The following HS3ST5 variants were observed in gnomAD, a reference collection of about 807,000 sequenced individuals.
The protein encoded by HS3ST5 is heparan sulfate-glucosamine 3-sulfotransferase 5.
HS3ST5 carries 10 observed loss-of-function variants against 25.4 expected under a neutral mutation model. That is an observed-to-expected ratio of 0.39 (90% CI 0.24 to 0.67). The LOEUF (loss-of-function observed/expected upper bound fraction) is 0.67. HS3ST5 is among the 30% of genes least tolerant of loss of function. The probability of loss-of-function intolerance (pLI) is 0.44; values close to 1 mark genes in which losing one functional copy is unlikely to be tolerated. For missense variants in HS3ST5, 324 were observed against 420.7 expected (o/e 0.77, Z 2.01); for synonymous variants, 170 against 162.4 (o/e 1.05, Z -0.36).
intron 1 of HS3ST5, among the ~76,000 whole-genome samples, chr6:114,262,072 A>G (rs1445546788): frequency 6.6e-6 from 1 of 152,218 alleles, no homozygotes; most frequent in African/African-American, 2.4e-5. Flanking sequence ...AAGACAAAGC[A>G]TTGAAATTTC....
chr6:114,157,077 T>C (rs1778735234), intron 3 of HS3ST5, among the ~76,000 whole-genome samples: 1 of 152,186 alleles, frequency 6.6e-6, no homozygotes, highest in Non-Finnish European at 1.5e-5. Context: ...ATGCACTGTC[T>C]TCCACCCCTC....
chr6:114,185,517 C>T (rs1780178566), intron 2 of HS3ST5, among the ~76,000 whole-genome samples: 1 of 152,088 alleles, frequency 6.6e-6, no homozygotes, highest in Non-Finnish European at 1.5e-5. Context: ...TACAGTCATA[C>T]CTTGCTTTAT....
At chr6:114,168,091 TA>T (rs1433726063) in intron 3 of HS3ST5, among the ~76,000 whole-genome samples, 8 of 151,862 alleles carry the variant, frequency 5.3e-5, no homozygotes, top group East Asian at 1.9e-4. Flanking sequence ...AGAAAATCAA[TA>T]AAAAAAATTT....
At chr6:114,064,619 TC>T (rs1298849911) in intron 3 of HS3ST5, among the ~76,000 whole-genome samples, 4 of 152,302 alleles carry the variant, frequency 2.6e-5, no homozygotes, top group African/African-American at 9.6e-5. Flanking sequence ...TGTGCTAGAT[TC>T]TGTATTGGGT....
intron 4 of HS3ST5, among the ~76,000 whole-genome samples, chr6:114,060,808 T>G (rs772544915): frequency 2.6e-5 from 4 of 152,216 alleles, no homozygotes; most frequent in Non-Finnish European, 5.9e-5. Context: ...TCCTGCAGAA[T>G]AGTCGCTTTT....
At chr6:114,159,040 G>C (rs1215889187) in intron 3 of HS3ST5, among the ~76,000 whole-genome samples, 1 of 152,186 alleles carries the variant, frequency 6.6e-6, no homozygotes, top group Non-Finnish European at 1.5e-5. Context: ...CCATTGTAAA[G>C]AAGGGCTGAA....
rs184905189 is a variant in HS3ST5 at position 114,253,637 on chromosome 6, A to G, written c.-338-24859T>C. Among the ~76,000 whole-genome samples, 625 of 152,324 alleles carry G rather than the reference A, an allele frequency of 4.1e-3. 5 individuals are homozygous for G. The highest frequency in any genetic ancestry group is 6.3e-3 in the Admixed American group (97 of 15,306). The stretch of plus-strand genomic sequence containing the variant: ...CCTCAACTTGTACACTAGGTCTCCA[A>G]GTTCAGACATGACACTCAGCACAAT... On this transcript the variant is annotated intron_variant, in intron 1 of 4. Transcript: ENST00000312719.
intron 1 of HS3ST5, among the ~76,000 whole-genome samples, chr6:114,310,141 A>G (rs952127781): frequency 6.6e-6 from 1 of 152,214 alleles, no homozygotes; most frequent in African/African-American, 2.4e-5. Flanking sequence ...GTCCTCACAG[A>G]AGACTTAGAT....
intron 3 of HS3ST5, among the ~76,000 whole-genome samples, chr6:114,126,355 C>G (rs1393496548): frequency 6.6e-6 from 1 of 152,128 alleles, no homozygotes; most frequent in Non-Finnish European, 1.5e-5. Flanking sequence ...CCATTTGCCT[C>G]AAGGTGTCCC....
chr6:114,223,166 A>G (rs1042085917), intron 2 of HS3ST5, among the ~76,000 whole-genome samples: 2 of 151,744 alleles, frequency 1.3e-5, no homozygotes, highest in African/African-American at 4.8e-5. Context: ...TCATTTTAAT[A>G]GGAGTATCCC....
chr6:114,097,554 A>C (rs1395270343), intron 3 of HS3ST5, among the ~76,000 whole-genome samples: 2 of 151,946 alleles, frequency 1.3e-5, no homozygotes, highest in Non-Finnish European at 2.9e-5. Context: ...CATATTTCTT[A>C]TATTTTTCTA....
At chr6:114,130,981 G>A (rs1225521866) in intron 3 of HS3ST5, among the ~76,000 whole-genome samples, 5 of 152,204 alleles carry the variant, frequency 3.3e-5, no homozygotes, top group Non-Finnish European at 7.3e-5. Flanking sequence ...ACTCAAGGCT[G>A]CAGTGAACTA....
intron 3 of HS3ST5, among the ~76,000 whole-genome samples, chr6:114,111,504 T>G (rs1411041272): frequency 6.6e-6 from 1 of 152,198 alleles, no homozygotes; most frequent in Non-Finnish European, 1.5e-5. Flanking sequence ...ATGGGTCTCC[T>G]GCCTAGGTCT....
intron 3 of HS3ST5, among the ~76,000 whole-genome samples, chr6:114,152,230 A>G (rs1778487516): frequency 6.6e-6 from 1 of 151,990 alleles, no homozygotes; most frequent in Non-Finnish European, 1.5e-5. Context: ...CCATAAATTT[A>G]TGTTTCTTAT....
At chr6:114,338,411 A>C (rs540999401) in intron 1 of HS3ST5, among the ~76,000 whole-genome samples, 44 of 151,742 alleles carry the variant, frequency 2.9e-4, no homozygotes, top group African/African-American at 7.0e-4. Context: ...AAGTGGTCTA[A>C]AGTCAAATAA....
chr6:114,192,993 G>A (rs1780575505), intron 2 of HS3ST5, among the ~76,000 whole-genome samples: 1 of 152,076 alleles, frequency 6.6e-6, no homozygotes, highest in Admixed American at 6.6e-5. Flanking sequence ...CTTTTTAAAA[G>A]TTTAACTTAA....
At chr6:114,231,137 G>A (rs569349990) in intron 1 of HS3ST5, among the ~76,000 whole-genome samples, 4 of 152,196 alleles carry the variant, frequency 2.6e-5, no homozygotes, top group East Asian at 3.9e-4. Context: ...TAGTTCTCAT[G>A]AGGTATGGTC....
intron 3 of HS3ST5, among the ~76,000 whole-genome samples, chr6:114,075,450 G>T (rs1461260120): frequency 6.6e-6 from 1 of 152,190 alleles, no homozygotes; most frequent in East Asian, 1.9e-4. Context: ...CATGCAAAGT[G>T]AAGTCTTCAC....
rs568107935 is a variant in HS3ST5 at position 114,307,370 on chromosome 6, C to T, written c.-339+34825G>A. On this transcript the variant is annotated intron_variant, in intron 1 of 4. Transcript: ENST00000312719. ...AAATATCCTTACTGTTTTTTTTTTTCCATCTAGTAATCTATTGAAAATTAC... is the reference window on the plus strand; with the variant it reads ...AAATATCCTTACTGTTTTTTTTTTTTCATCTAGTAATCTATTGAAAATTAC... Among the ~76,000 whole-genome samples the T allele has an allele frequency of 2.0e-3, 290 of 143,606 alleles. 1 individual carries two copies. The highest frequency in any genetic ancestry group is 3.0e-3 in the Non-Finnish European group (194 of 65,018). The allele number at this position is 143,606 out of a possible 152,430, so 94.2% of individuals were successfully genotyped here. A position where few individuals can be genotyped will look rare whatever the true frequency, so the allele number is the denominator to read the frequency against.
Sources: allele counts gnomAD v4.1 joint callset (sites outside exome capture counted in the v4.1 genomes callset), GRCh38; gene constraint gnomAD v4.1.1; transcripts MANE v1.5; gene names NCBI Gene and HGNC (gene_info 2026-07-23, HGNC 2026-07-21).